RCL1: variants seen among roughly 807,000 people sequenced by gnomAD.
RCL1 encodes the protein RNA terminal phosphate cyclase like 1.
Under a neutral mutation model 42.4 loss-of-function variants are expected in RCL1, and 24 were observed. The observed-to-expected ratio is 0.57, with a 90% CI of 0.41 to 0.80. The LOEUF (loss-of-function observed/expected upper bound fraction) is 0.80, where lower values mean the gene tolerates loss of function less well. Among genes scored for constraint, RCL1 ranks in the 30% least tolerant of loss-of-function variants. The probability of loss-of-function intolerance (pLI) is 0.00; values close to 1 mark genes in which losing one functional copy is unlikely to be tolerated. For synonymous variants in RCL1, 228 were observed against 177.3 expected, an observed-to-expected ratio of 1.29 and a Z score of -2.27; for missense variants, 578 against 467.9, an observed-to-expected ratio of 1.24 and a Z score of -2.17.
chr9:4,801,891 C>T (rs1283170714), intron 1 of RCL1, among the ~76,000 whole-genome samples: 1 of 151,506 alleles, frequency 6.6e-6, no homozygotes, highest in Non-Finnish European at 1.5e-5. Flanking sequence ...ATATGTCTGT[C>T]TCTTGCCAAC....
intron 5 of RCL1, chr9:4,839,548 C>A: frequency 4.5e-6 from 2 of 440,840 alleles, no homozygotes; most frequent in Non-Finnish European, 6.0e-6. Flanking sequence ...AGAAGGACAG[C>A]ACCTGCTTGG....
At chr9:4,839,408 T>C (rs892676582) in intron 5 of RCL1, 1 of 152,270 alleles carries the variant, frequency 6.6e-6, no homozygotes, top group African/African-American at 2.4e-5. Context: ...AACACAGGGT[T>C]ACTGTGAGCA....
At chr9:4,859,983 T>A (rs1361798966) in intron 8 of RCL1, 142 bp from the exon 9 acceptor site, 1 of 553,690 alleles carries the variant, frequency 1.8e-6, no homozygotes, top group East Asian at 3.1e-5. Context: ...AAGGAAGTAC[T>A]ATTTAATCAG....
chr9:4,827,128 A>G (rs1318243349), intron 3 of RCL1, 95 bp downstream of exon 3: 1 of 1,575,034 alleles, frequency 6.3e-7, no homozygotes, highest in Non-Finnish European at 8.6e-7. Flanking sequence ...GCACAGTTTT[A>G]TTACAAATGT....
chr9:4,860,541 G>T lies in RCL1; in HGVS notation c.*266G>T, dbSNP rs1328503806. On this transcript the variant is annotated 3_prime_UTR_variant, in exon 9 of 9. Coordinates refer to ENST00000381750, the MANE Select transcript of RCL1 (RefSeq NM_005772.5). ...ACCTGGAGGAAGAATGTGCCTTCAG[G>T]CCACAGTCGTGCTGCTAGAACAGTC... 4.8e-6 allele frequency: 2 copies of T among 416,620 alleles called. No homozygotes were observed. The highest frequency in any genetic ancestry group is 9.3e-5 in the Admixed American group (2 of 21,554). 25.8% of individuals were successfully genotyped at this position (416,620 alleles called of 1,614,324 possible).
chr9:4,860,358 T>A lies in RCL1; in HGVS notation c.*83T>A, dbSNP rs1818132111. The A allele has an allele frequency of 6.9e-7, 1 of 1,446,816 alleles. No homozygotes were observed. Among genetic ancestry groups the A allele is most frequent in the Non-Finnish European group, 9.4e-7 (1 of 1,064,138 alleles). The allele number at this position is 1,446,816 out of a possible 1,614,324, so 89.6% of individuals were successfully genotyped here. ...ACCAATGGGACCAAGTCCAAATGGA[T>A]TAATCCAGGACAGAATAGCCACTTG... On this transcript the variant is annotated 3_prime_UTR_variant, in exon 9 of 9. Coordinates refer to ENST00000381750, the MANE Select transcript of RCL1 (RefSeq NM_005772.5).
intron 3 of RCL1, among the ~76,000 whole-genome samples, chr9:4,830,796 T>C (rs1816917562): frequency 6.6e-6 from 1 of 152,228 alleles, no homozygotes; most frequent in Admixed American, 6.5e-5. Flanking sequence ...CCTCTCTTTT[T>C]TCTTTTTTTA....
chr9:4,829,925 T>C, intron 3 of RCL1, among the ~76,000 whole-genome samples: 1 of 152,178 alleles, frequency 6.6e-6, no homozygotes, highest in East Asian at 1.9e-4. Context: ...CATCATTCAT[T>C]TAAGCTTCCT....
intron 7 of RCL1, among the ~76,000 whole-genome samples, chr9:4,844,918 A>T (rs551384651): frequency 3.5e-4 from 54 of 152,350 alleles, no homozygotes; most frequent in African/African-American, 1.2e-3. Context: ...CAGTGAGCCA[A>T]GGAAAGAACT....
intron 1 of RCL1, among the ~76,000 whole-genome samples, chr9:4,801,067 C>G (rs1842992472): frequency 6.6e-6 from 1 of 152,102 alleles, no homozygotes; most frequent in Non-Finnish European, 1.5e-5. Flanking sequence ...GTAGTGATGC[C>G]CCAGGGTGGT....
rs1001954246 is a variant in RCL1 at position 4,826,778 on chromosome 9, T to G, written c.209-80T>G. The G allele has an allele frequency of 5.5e-6, 7 of 1,268,064 alleles. No homozygotes were observed. In the Admixed American group the frequency reaches 6.5e-5, roughly 12 times the overall value. 78.6% of individuals were successfully genotyped at this position (1,268,064 alleles called of 1,614,324 possible). ...GGATGCCCTTGTCAGGCTTTCCCCT[T>G]GGAACTCACTGCCTTCATTACCTTT... is the stretch of plus-strand genomic sequence containing the variant. On this transcript the variant is annotated intron_variant, in intron 2 of 8. Transcript: ENST00000381750.
rs1245010913 is a variant in RCL1 at position 4,823,695 on chromosome 9, CTTTTTTTTTCT to C, written c.208+77_208+87del. The C allele has an allele frequency of 1.2e-5, 12 of 978,260 alleles. No individual in the cohort carries two copies. The East Asian group carries it at 3.1e-4, about 25-fold the overall frequency. The allele number at this position is 978,260 out of a possible 1,614,324, so 60.6% of individuals were successfully genotyped here. ...TGTTTCTCACTCTTTTTTTTCTTTC[CTTTTTTTTTCT>C]AGTCAGTCTCTGCTTATCCAAATCA... On this transcript the variant is annotated intron_variant, in intron 2 of 8. Transcript: ENST00000381750.
intron 7 of RCL1, among the ~76,000 whole-genome samples, chr9:4,849,104 T>C (rs1323971534): frequency 6.6e-6 from 1 of 151,920 alleles, no homozygotes; most frequent in Non-Finnish European, 1.5e-5. Flanking sequence ...TTTTTTTTTT[T>C]TTGCATATAC....
At chr9:4,827,060 T>C in intron 3 of RCL1, 27 bp downstream of exon 3, 3 of 1,614,026 alleles carry the variant, frequency 1.9e-6, no homozygotes, top group Admixed American at 1.7e-5. Flanking sequence ...AACCGTGGTG[T>C]GGTTTTTGTT....
At chr9:4,846,234 A>G (rs774156659) in intron 7 of RCL1, among the ~76,000 whole-genome samples, 5 of 152,210 alleles carry the variant, frequency 3.3e-5, no homozygotes, top group Non-Finnish European at 7.3e-5. Flanking sequence ...CAGGTCCTAA[A>G]TGGCTCTATT....
chr9:4,859,552 T>C (rs1459691193), intron 8 of RCL1, among the ~76,000 whole-genome samples: 1 of 152,166 alleles, frequency 6.6e-6, no homozygotes, highest in East Asian at 1.9e-4. Flanking sequence ...GAGGGTATTA[T>C]TGGAGAATGA....
At chr9:4,845,299 C>G (rs1431191814) in intron 7 of RCL1, among the ~76,000 whole-genome samples, 1 of 152,198 alleles carries the variant, frequency 6.6e-6, no homozygotes, top group East Asian at 1.9e-4. Flanking sequence ...GAACATGGAA[C>G]AGAGAAGGGG....
At chr9:4,822,769 C>T (rs536509097) in intron 1 of RCL1, among the ~76,000 whole-genome samples, 13 of 152,168 alleles carry the variant, frequency 8.5e-5, no homozygotes, top group African/African-American at 2.2e-4. Context: ...TACAGTGAGA[C>T]GTGATCACGC....
intron 5 of RCL1, among the ~76,000 whole-genome samples, chr9:4,836,550 G>A (rs1282935874): frequency 1.3e-5 from 2 of 152,048 alleles, no homozygotes; most frequent in East Asian, 3.9e-4. Flanking sequence ...CTGGGTGGGA[G>A]CAGGTGTTGG....
Sources: allele counts gnomAD v4.1 joint callset (sites outside exome capture counted in the v4.1 genomes callset), GRCh38; gene constraint gnomAD v4.1.1; transcripts MANE v1.5; gene names NCBI Gene and HGNC (gene_info 2026-07-23, HGNC 2026-07-21).